The following FGF13 variants were observed in gnomAD, a reference collection of about 807,000 sequenced individuals.
The protein encoded by FGF13 is fibroblast growth factor homologous factor 2.
FGF13 carries 2 observed loss-of-function variants against 19.5 expected under a neutral mutation model. The observed-to-expected ratio is 0.10, with a 90% CI of 0.04 to 0.32. The LOEUF is 0.32. Ranked by LOEUF, FGF13 falls within the 10% of genes least tolerant of loss-of-function variation. The pLI, the probability that FGF13 is intolerant of heterozygous loss-of-function variation, is 1.00. For missense variants in FGF13, 113 were observed against 192.7 expected, an observed-to-expected ratio of 0.59 and a Z score of 2.45; for synonymous variants, 72 against 76.9, an observed-to-expected ratio of 0.94 and a Z score of 0.33.
At chrX:138,673,980 C>A (rs2089640006) in intron 3 of FGF13, among the ~76,000 whole-genome samples, 1 of 110,695 alleles carries the variant, frequency 9.0e-6, no homozygotes, top group African/African-American at 3.3e-5. Context: ...AAAGCCTTAG[C>A]CTTAGGAGGG....
chrX:139,111,978 G>A (rs188927875), intron 1 of FGF13, among the ~76,000 whole-genome samples: 9 of 112,005 alleles, frequency 8.0e-5, no homozygotes, highest in African/African-American at 2.6e-4. Flanking sequence ...TGATGTGGCA[G>A]AAACATTGCA....
intron 1 of FGF13, among the ~76,000 whole-genome samples, chrX:139,190,843 G>C (rs1423214277): frequency 8.9e-6 from 1 of 111,892 alleles, no homozygotes; most frequent in Non-Finnish European, 1.9e-5. Flanking sequence ...TTTCTAATTA[G>C]AATAGCAGGA....
At chrX:138,774,003 T>C (rs1240061177) in intron 3 of FGF13, among the ~76,000 whole-genome samples, 2 of 111,615 alleles carry the variant, frequency 1.8e-5, no homozygotes, top group Admixed American at 1.9e-4. Flanking sequence ...GAGCCATTCA[T>C]TCCAATGACA....
At chrX:138,663,015 T>C (rs1422485550) in intron 3 of FGF13, among the ~76,000 whole-genome samples, 2 of 111,407 alleles carry the variant, frequency 1.8e-5, no homozygotes, top group East Asian at 5.7e-4. Context: ...ACAAGACTAG[T>C]TCCCCCTCCA....
chrX:139,002,351 G>A (rs991012973), intron 1 of FGF13, among the ~76,000 whole-genome samples: 1 of 111,477 alleles, frequency 9.0e-6, no homozygotes, highest in East Asian at 2.8e-4. Context: ...TTAAAAAAAA[G>A]ATGAACACAA....
At position 139,151,772 on chromosome X, in the gene FGF13, CAA is replaced by C. The variant is rs747167264; in HGVS notation, c.-113+51642_-113+51643del. Among the ~76,000 whole-genome samples, 874 of 111,942 alleles carry C rather than the reference CAA, an allele frequency of 7.8e-3. 9 individuals carry two copies. The highest frequency in any genetic ancestry group is 0.012 in the Non-Finnish European group (638 of 53,162). ...TTAAAATGTACTCAGCAAATACACACAAAGTTAATTGTTAATAGCTTTTTAAT... is the reference window on the plus strand; with the variant it reads ...TTAAAATGTACTCAGCAAATACACACAGTTAATTGTTAATAGCTTTTTAAT... On this transcript the variant is annotated intron_variant, in intron 1 of 2. Transcript: ENST00000421460.
intron 1 of FGF13, among the ~76,000 whole-genome samples, chrX:139,062,691 T>C (rs1179414733): frequency 8.9e-6 from 1 of 111,992 alleles, no homozygotes; most frequent in Admixed American, 9.5e-5. Context: ...TAGGTATCTT[T>C]CCATTTATTT....
At chrX:138,839,482 G>A (rs780865586) in intron 3 of FGF13, among the ~76,000 whole-genome samples, 1 of 111,511 alleles carries the variant, frequency 9.0e-6, no homozygotes, top group Non-Finnish European at 1.9e-5. Flanking sequence ...GTTTTTAAGA[G>A]TTATGAACTT....
At chrX:138,661,091 AG>A (rs1422977602) in intron 3 of FGF13, among the ~76,000 whole-genome samples, 1 of 111,517 alleles carries the variant, frequency 9.0e-6, no homozygotes, top group East Asian at 2.9e-4. Flanking sequence ...TAGAGGAGTT[AG>A]GGGTAGTTAA....
intron 3 of FGF13, among the ~76,000 whole-genome samples, chrX:138,843,644 G>C (rs186165665): frequency 5.6e-4 from 63 of 111,753 alleles, no homozygotes; most frequent in African/African-American, 1.6e-3. Context: ...GTTTAGAAAT[G>C]GGTAGTATCC....
In FGF13 at chrX:138,710,667, C is replaced by T. The variant is rs2090036729; in HGVS notation, c.187+150G>A. On this transcript the variant is annotated intron_variant, in intron 1 of 4. Transcript: ENST00000315930. Reference sequence around the variant, plus strand: ...GTTACTGTTACGGAGGCAAGAAAGCCAGCGCCTTCCCACGCACGCACACAG... The same window carrying T: ...GTTACTGTTACGGAGGCAAGAAAGCTAGCGCCTTCCCACGCACGCACACAG... The T allele has an allele frequency of 1.6e-5, 16 of 1,007,967 alleles. No homozygotes were observed. In the South Asian group the frequency reaches 3.8e-4, roughly 24 times the overall value. 83.1% of individuals were successfully genotyped at this position (1,007,967 alleles called of 1,213,427 possible). A position where few individuals can be genotyped will look rare whatever the true frequency, so the allele number is the denominator to read the frequency against.
At chrX:139,028,213 A>G (rs2092208456) in intron 1 of FGF13, among the ~76,000 whole-genome samples, 1 of 111,867 alleles carries the variant, frequency 8.9e-6, no homozygotes. Context: ...TATCTTTATA[A>G]ACATATTTTT....
At chrX:138,817,698 G>C (rs1416874866) in intron 3 of FGF13, among the ~76,000 whole-genome samples, 6 of 111,888 alleles carry the variant, frequency 5.4e-5, no homozygotes. Flanking sequence ...AAAAATTTCT[G>C]ATCCTTGTTC....
In FGF13 at chrX:138,632,869, C is replaced by T; in HGVS notation, c.719G>A (p.Ser240Asn). The change falls in exon 5 of 5, where the codon AGC becomes AAC. Residue 240 changes from serine (S) to asparagine (N), a missense_variant. Ser to Asn is a conservative substitution (Grantham distance 46). This residue lies in a region of FGF13 where 43 missense variants were observed against 41.4 expected (regional missense o/e 1.04). Transcript: ENST00000315930. The stretch of plus-strand genomic sequence containing the variant: ...CACTGGCTACGTTGATTCATTGTGG[C>T]TCATGGATTTGCCTCCGTTCAGCAC... ...SGVLNGGKSM[S>N]HNEST The T allele has an allele frequency of 8.3e-7, 1 of 1,209,399 alleles. No homozygotes were observed. The highest frequency in any genetic ancestry group is 1.1e-6 in the Non-Finnish European group (1 of 894,289).
intron 1 of FGF13, among the ~76,000 whole-genome samples, chrX:138,897,653 G>A (rs1259986401): frequency 9.0e-6 from 1 of 111,432 alleles, no homozygotes; most frequent in African/African-American, 3.3e-5. Flanking sequence ...AAGACTTTAA[G>A]GGTCCGTCTG....
chrX:138,755,928 G>T (rs1481454569), intron 3 of FGF13, among the ~76,000 whole-genome samples: 2 of 111,966 alleles, frequency 1.8e-5, no homozygotes, highest in African/African-American at 6.5e-5. Flanking sequence ...AAGTTAAAAT[G>T]AGGCTGTTAG....
chrX:138,828,941 A>G (rs1370559330), intron 3 of FGF13, among the ~76,000 whole-genome samples: 2 of 111,717 alleles, frequency 1.8e-5, no homozygotes, highest in Non-Finnish European at 3.8e-5. Context: ...ACTTAAATGG[A>G]GAGTACAATA....
At chrX:139,156,593 C>T (rs12395379) in intron 1 of FGF13, among the ~76,000 whole-genome samples, 12,287 of 112,057 alleles carry the variant, frequency 0.11, 1,091 homozygotes, top group African/African-American at 0.3. Flanking sequence ...AGGCGCTCAA[C>T]CTTAAAGCCC....
At chrX:138,890,828 C>T (rs1299464598) in intron 1 of FGF13, among the ~76,000 whole-genome samples, 1 of 111,779 alleles carries the variant, frequency 8.9e-6, no homozygotes, top group Non-Finnish European at 1.9e-5. Context: ...AAAACAAGTT[C>T]CTAGGTCCAT....
Sources: allele counts gnomAD v4.1 joint callset (sites outside exome capture counted in the v4.1 genomes callset), GRCh38; gene constraint gnomAD v4.1.1; regional missense constraint gnomAD v4.1.1; transcripts MANE v1.5; gene names NCBI Gene and HGNC (gene_info 2026-07-23, HGNC 2026-07-21).